The following MYO16 variants were observed in gnomAD, a reference collection of about 807,000 sequenced individuals.
The protein encoded by MYO16 is myosin XVI.
In MYO16, 94 loss-of-function variants were observed where a neutral mutation model predicts 205.3. The observed-to-expected ratio is 0.46, with a 90% CI of 0.39 to 0.54. The LOEUF (loss-of-function observed/expected upper bound fraction) is 0.54, where lower values mean the gene tolerates loss of function less well. Among genes scored for constraint, MYO16 ranks in the 20% least tolerant of loss-of-function variants. The pLI is 0.00. For synonymous variants in MYO16, 988 were observed against 954.0 expected, an observed-to-expected ratio of 1.04 and a Z score of -0.66; for missense variants, 2,315 against 2,387.5, an observed-to-expected ratio of 0.97 and a Z score of 0.63.
chr13:108,579,642 T>G, the MYO16 span, among the ~76,000 whole-genome samples: 1 of 152,134 alleles, frequency 6.6e-6, no homozygotes, highest in Non-Finnish European at 1.5e-5. Context: ...TGTTTCACCA[T>G]GTTGGCCAGG....
chr13:108,541,240 TACAG>T, the MYO16 span, among the ~76,000 whole-genome samples: 2 of 151,910 alleles, frequency 1.3e-5, no homozygotes, highest in Non-Finnish European at 2.9e-5. Context: ...TAAGTGACTT[TACAG>T]ACATATAACT....
At chr13:108,946,926 G>C (rs1403773733) in intron 16 of MYO16, among the ~76,000 whole-genome samples, 3 of 152,082 alleles carry the variant, frequency 2.0e-5, no homozygotes, top group African/African-American at 4.8e-5. Flanking sequence ...ATTTCTTGTA[G>C]AGACTGGGTA....
intron 27 of MYO16, among the ~76,000 whole-genome samples, chr13:109,099,237 A>G (rs1347538904): frequency 1.3e-5 from 2 of 152,210 alleles, no homozygotes; most frequent in East Asian, 3.8e-4. Flanking sequence ...TTGGAACCCA[A>G]ATAAGAAAAT....
chr13:108,752,869 G>A (rs1386983669), intron 4 of MYO16, among the ~76,000 whole-genome samples: 1 of 123,268 alleles, frequency 8.1e-6, no homozygotes, highest in Non-Finnish European at 1.6e-5. Context: ...AAAAAACCAT[G>A]TTGGTCAGGC....
chr13:109,086,922 T>C (rs1888450707), intron 27 of MYO16, among the ~76,000 whole-genome samples: 1 of 152,246 alleles, frequency 6.6e-6, no homozygotes, highest in Admixed American at 6.5e-5. Context: ...CATGGCTCAA[T>C]GTGGCATAAT....
chr13:108,791,417 A>C (rs1259163132), intron 5 of MYO16, among the ~76,000 whole-genome samples: 1 of 152,244 alleles, frequency 6.6e-6, no homozygotes, highest in East Asian at 1.9e-4. Flanking sequence ...GACTAATCAC[A>C]GATCACTTTT....
At chr13:108,822,877 A>T (rs989343722) in intron 8 of MYO16, among the ~76,000 whole-genome samples, 4 of 152,152 alleles carry the variant, frequency 2.6e-5, no homozygotes, top group Non-Finnish European at 4.4e-5. Context: ...TTTACATATC[A>T]CCATCCAGTC....
intron 6 of MYO16, among the ~76,000 whole-genome samples, chr13:108,802,257 C>T (rs186165063): frequency 2.6e-5 from 4 of 152,244 alleles, no homozygotes; most frequent in East Asian, 1.9e-4. Flanking sequence ...TTCCCCTCCC[C>T]GAGTCCCTGG....
In MYO16 at chr13:108,665,969, C is replaced by A. The variant is rs758324364; in HGVS notation, c.112C>A (p.Arg38=). The A allele has an allele frequency of 6.2e-7, 1 of 1,614,090 alleles. No homozygotes were observed. The highest frequency in any genetic ancestry group is 2.2e-5 in the East Asian group (1 of 44,868). Reference sequence around the variant, plus strand: ...GCTAGAGTCCCTTCCCCTTGGCCAACGGCAGCGTCTAGTGAAGCGCATGCG... The same window carrying A: ...GCTAGAGTCCCTTCCCCTTGGCCAAAGGCAGCGTCTAGTGAAGCGCATGCG... ...CLLESLPLGQ[R]QRLVKRMRCE... The change falls in exon 2 of 35, where the codon CGG becomes AGG. Residue 38 remains arginine, a synonymous_variant. Coordinates refer to ENST00000457511, the MANE Select transcript of MYO16 (RefSeq NM_001198950.3).
upstream of MYO16, among the ~76,000 whole-genome samples, chr13:108,624,866 CTAT>C (rs2139341456): frequency 6.7e-6 from 1 of 150,124 alleles, no homozygotes; most frequent in East Asian, 2.0e-4. Flanking sequence ...CATGTATTTG[CTAT>C]TATATTAATC....
At chr13:109,062,880 G>C (rs113727701) in intron 27 of MYO16, among the ~76,000 whole-genome samples, 3 of 152,210 alleles carry the variant, frequency 2.0e-5, no homozygotes, top group African/African-American at 7.2e-5. Context: ...TTCAGGTAAA[G>C]AATGTATTAT....
At position 109,062,626 on chromosome 13, in the gene MYO16, A is replaced by G. The variant is rs539025120; in HGVS notation, c.3335+7031A>G. 2.5e-3 allele frequency among the ~76,000 whole-genome samples: 280 copies of G among 113,168 alleles called. 1 individual carries two copies. The highest frequency in any genetic ancestry group is 8.0e-3 in the African/African-American group (264 of 32,850). The allele number at this position is 113,168 out of a possible 152,430, so 74.2% of individuals were successfully genotyped here. A position where few individuals can be genotyped will look rare whatever the true frequency, so the allele number is the denominator to read the frequency against. Reference sequence around the variant, plus strand: ...GGCATTTAGGATGCCAGTCTGAAATAATATTACAAAAAATATTGATTCATA... The same window carrying G: ...GGCATTTAGGATGCCAGTCTGAAATGATATTACAAAAAATATTGATTCATA... On this transcript the variant is annotated intron_variant, in intron 27 of 34. Transcript: ENST00000457511.
chr13:109,118,373 G>C lies in MYO16; in HGVS notation c.3439-1997G>C, dbSNP rs185049089. On this transcript the variant is annotated intron_variant, in intron 28 of 34. Coordinates refer to ENST00000457511, the MANE Select transcript of MYO16 (RefSeq NM_001198950.3). ...TTGAATGGCTGTTAGAAATGCCACT[G>C]TAAGAGATCATACTCATTTTGTCCA... Among the ~76,000 whole-genome samples the C allele has an allele frequency of 1.1e-3, 161 of 152,280 alleles. 2 individuals are homozygous for C. Among genetic ancestry groups the C allele is most frequent in the Admixed American group, 9.9e-3 (152 of 15,290 alleles).
chr13:108,553,527 T>C, the MYO16 span, among the ~76,000 whole-genome samples: 1 of 152,248 alleles, frequency 6.6e-6, no homozygotes, highest in Non-Finnish European at 1.5e-5. Flanking sequence ...CATACTTTAC[T>C]GTAACTTCAT....
chr13:108,994,758 T>C (rs949255985), intron 21 of MYO16, among the ~76,000 whole-genome samples: 7 of 152,172 alleles, frequency 4.6e-5, no homozygotes, highest in Non-Finnish European at 8.8e-5. Context: ...GCTTTGTATA[T>C]AATAAAAGTT....
At chr13:108,936,830 G>C (rs1181651489) in intron 16 of MYO16, among the ~76,000 whole-genome samples, 2 of 152,034 alleles carry the variant, frequency 1.3e-5, no homozygotes, top group African/African-American at 4.8e-5. Flanking sequence ...TGTAAATTGT[G>C]TTTAGACTAT....
intron 4 of MYO16, among the ~76,000 whole-genome samples, chr13:108,732,782 G>T (rs1403632087): frequency 6.6e-6 from 1 of 152,214 alleles, no homozygotes; most frequent in Non-Finnish European, 1.5e-5. Flanking sequence ...GGAACATTTA[G>T]GTATCTATTG....
the MYO16 span, among the ~76,000 whole-genome samples, chr13:108,496,205 C>T: frequency 5.9e-5 from 9 of 151,346 alleles, no homozygotes; most frequent in Admixed American, 4.6e-4. Context: ...ACGCGTAAGC[C>T]GAGGCTGGGA....
rs374790632 is a variant in MYO16 at position 108,689,852 on chromosome 13, AT to A, written c.293-22808del. Among the ~76,000 whole-genome samples, 1,062 of 152,328 alleles carry A rather than the reference AT, an allele frequency of 7.0e-3. 10 individuals are homozygous for A. Among genetic ancestry groups the A allele is most frequent in the Non-Finnish European group, 9.9e-3 (676 of 68,028 alleles). On this transcript the variant is annotated intron_variant, in intron 2 of 34. Coordinates refer to ENST00000457511, the MANE Select transcript of MYO16 (RefSeq NM_001198950.3). Reference sequence around the variant, plus strand: ...AATAATCGATTAATCAAGGAATGATATGTTATAAAAATAGTATTCAAAACAA... The same window carrying A: ...AATAATCGATTAATCAAGGAATGATAGTTATAAAAATAGTATTCAAAACAA...
Sources: gnomAD v4.1 joint callset for allele counts (sites outside exome capture counted in the v4.1 genomes callset) on GRCh38, gnomAD v4.1.1 for gene constraint, MANE v1.5 for transcripts, NCBI Gene and HGNC (gene_info 2026-07-23, HGNC 2026-07-21) for gene names.